The following PC variants were observed in gnomAD, a reference collection of about 807,000 sequenced individuals.
PC encodes the protein pyruvate carboxylase, mitochondrial.
A neutral mutation model predicts 107.8 loss-of-function variants in PC; 46 were observed. That is an observed-to-expected ratio of 0.43 (90% CI 0.34 to 0.55). The LOEUF (loss-of-function observed/expected upper bound fraction) is 0.55. Among genes scored for constraint, PC ranks in the 20% least tolerant of loss-of-function variants. The probability of loss-of-function intolerance (pLI) is 0.04; values close to 1 mark genes in which losing one functional copy is unlikely to be tolerated. For missense variants in PC, 1,241 were observed against 1,643.1 expected, an observed-to-expected ratio of 0.76 and a Z score of 4.23; for synonymous variants, 662 against 684.7, an observed-to-expected ratio of 0.97 and a Z score of 0.52.
intron 3 of PC, among the ~76,000 whole-genome samples, chr11:66,875,606 C>T (rs1031791163): frequency 6.6e-6 from 1 of 151,952 alleles, no homozygotes; most frequent in African/African-American, 2.4e-5. Context: ...GAGGGACGCA[C>T]GGGTCGCTGG....
chr11:66,855,933 G>A (rs1293723504), intron 12 of PC, among the ~76,000 whole-genome samples: 1 of 152,258 alleles, frequency 6.6e-6, no homozygotes, highest in Non-Finnish European at 1.5e-5. Flanking sequence ...CGAGTTTCCT[G>A]CCACCTGGCC....
At chr11:66,849,168 G>T (rs377509358) in intron 22 of PC, 21 bp from the exon 23 acceptor site, 1 of 1,613,752 alleles carries the variant, frequency 6.2e-7, no homozygotes, top group Admixed American at 1.7e-5. Context: ...AGGGCAGAGG[G>T]GACATGACAT....
rs1342125656 is a variant in PC, at chr11:66,870,317, C to T, written c.888G>A (p.Val296=). 6.2e-7 allele frequency: 1 copy of T among 1,613,430 alleles called. No homozygotes were observed. The highest frequency in any genetic ancestry group is 2.2e-5 in the East Asian group (1 of 44,872). The change falls in exon 9 of 23, where the codon GTG becomes GTA. Residue 296 remains valine (V), a synonymous_variant. Coordinates refer to ENST00000393960, the MANE Select transcript of PC (RefSeq NM_001040716.2). This position sits in a 1 kb window ranked among gnomAD's most constrained non-coding sequence, Gnocchi z 6.1. The part of the protein sequence containing the change: ...QLRTRLTSDS[V]KLAKQVGYEN... ...CACCCTTCACCTGTTTAGCGAGTTT[C>T]ACAGAGTCGCTGGTGAGCCGAGTCC...
At position 66,849,443 on chromosome 11, in the gene PC, A is replaced by T. The variant is rs556299918; in HGVS notation, c.3148-73T>A. ...GCAGTCCCCCGGCCCTGGCCATAGG[A>T]AGTCCCCACACTGGGCCTTGGCTCC... On this transcript the variant is annotated intron_variant, in intron 21 of 22. Transcript: ENST00000393960. 5.0e-6 allele frequency: 8 copies of T among 1,607,124 alleles called. No individual in the cohort carries two copies. The African/African-American group carries it at 1.1e-4, about 21-fold the overall frequency.
rs1946026094 is a variant in PC, at chr11:66,858,571, TCTC to T, written c.1369-5191_1369-5189del. 1 of 1,533,014 alleles carries T rather than the reference TCTC, an allele frequency of 6.5e-7. No individual in the cohort carries two copies. Among genetic ancestry groups the T allele is most frequent in the Non-Finnish European group, 8.7e-7 (1 of 1,144,026 alleles). 95.0% of individuals were successfully genotyped at this position (1,533,014 alleles called of 1,614,324 possible). ...TTCTGGGCAGTGCCCGAGGGCGAGTTCTCCTGTGAGCCGCCCCTCATTGCCCGC... is the reference window on the plus strand; with the variant it reads ...TTCTGGGCAGTGCCCGAGGGCGAGTTCTGTGAGCCGCCCCTCATTGCCCGC... On this transcript the variant is annotated intron_variant, in intron 12 of 22. Transcript: ENST00000393960. The surrounding 1 kb of genome is among the most constrained non-coding windows in gnomAD (Gnocchi z 5.9).
At chr11:66,864,758 C>T (rs1265915204) in intron 11 of PC, among the ~76,000 whole-genome samples, 1 of 152,228 alleles carries the variant, frequency 6.6e-6, no homozygotes, top group Non-Finnish European at 1.5e-5. Flanking sequence ...CCGACACTCA[C>T]ACACACAGGT....
chr11:66,866,619 C>G lies in PC; in HGVS notation c.1023-270G>C, dbSNP rs1281443188. Reference sequence around the variant, plus strand: ...ACCAGGACCACCTGCTCCTGCATTCCTGACTCACGGTGCCGTCCACACAGC... The same window carrying G: ...ACCAGGACCACCTGCTCCTGCATTCGTGACTCACGGTGCCGTCCACACAGC... On this transcript the variant is annotated intron_variant, in intron 10 of 22. Coordinates refer to ENST00000393960, the MANE Select transcript of PC (RefSeq NM_001040716.2). This position sits in a 1 kb window ranked among gnomAD's most constrained non-coding sequence, Gnocchi z 5.4. Among the ~76,000 whole-genome samples the G allele has an allele frequency of 6.6e-6, 1 of 152,194 alleles. No homozygotes were observed. The highest frequency in any genetic ancestry group is 2.4e-5 in the African/African-American group (1 of 41,452).
chr11:66,908,756 A>G (rs1322636766), intron 3 of PC, among the ~76,000 whole-genome samples: 1 of 152,166 alleles, frequency 6.6e-6, no homozygotes, highest in Non-Finnish European at 1.5e-5. Context: ...TGAGCCTGCT[A>G]CGGGAACGTA....
At chr11:66,895,003 C>T (rs1947705000) in intron 3 of PC, among the ~76,000 whole-genome samples, 2 of 137,968 alleles carry the variant, frequency 1.4e-5, no homozygotes. Context: ...GCCTGGGTGA[C>T]AAGAGTTAAA....
In PC at chr11:66,947,903, C is replaced by T. The variant is rs188779558; in HGVS notation, c.-1+4527G>A. The stretch of plus-strand genomic sequence containing the variant: ...GCTTGAACCCGGGAGGCAGAGGTTG[C>T]AGTGAGCCGAGATCATGCCACTGCA... On this transcript the variant is annotated intron_variant, in intron 3 of 22. Coordinates refer to ENST00000393960, the MANE Select transcript of PC (RefSeq NM_001040716.2). Among the ~76,000 whole-genome samples the T allele has an allele frequency of 2.0e-5, 3 of 148,622 alleles. No individual in the cohort carries two copies. In the East Asian group the frequency reaches 5.9e-4, roughly 29 times the overall value.
At chr11:66,953,850 CCT>C (rs1242970916) in intron 2 of PC, among the ~76,000 whole-genome samples, 3 of 152,164 alleles carry the variant, frequency 2.0e-5, no homozygotes, top group Non-Finnish European at 4.4e-5. Context: ...CGTTATTTCA[CCT>C]CTCTGAGTTT....
chr11:66,850,058 A>C lies in PC; in HGVS notation c.2777T>G (p.Leu926Trp). ...CTGAGCTTCGGCCTCTGCCCGGCTC[A>C]ATCCATTCTGCACCATAAACTGGGC... is the stretch of plus-strand genomic sequence containing the variant. ...DLAQFMVQNGLSRAEAEAQAE... is the reference protein window; with the variant it reads ...DLAQFMVQNGWSRAEAEAQAE... The change falls in exon 20 of 23, where the codon TTG (leucine) becomes TGG (tryptophan). Residue 926 changes from leucine to tryptophan, a missense_variant. Physicochemically the swap from Leu to Trp is moderately conservative, Grantham distance 61 (BLOSUM62 -2). Transcript: ENST00000393960. 6.2e-7 allele frequency: 1 copy of C among 1,613,702 alleles called. No individual in the cohort carries two copies. The highest frequency in any genetic ancestry group is 8.5e-7 in the Non-Finnish European group (1 of 1,180,042).
At chr11:66,849,516 C>A in intron 21 of PC, 95 bp downstream of exon 21, 1 of 1,609,916 alleles carries the variant, frequency 6.2e-7, no homozygotes, top group South Asian at 1.1e-5. Flanking sequence ...TTTCTGCTCC[C>A]AAAGCTTGCG....
chr11:66,853,349 T>C lies in PC; in HGVS notation c.1403A>G (p.Asn468Ser), dbSNP rs776000639. 1.9e-6 allele frequency: 3 copies of C among 1,614,060 alleles called. No individual in the cohort carries two copies. The highest frequency in any genetic ancestry group is 1.3e-5 in the African/African-American group (1 of 75,014). ...NIAFLQNVLN[N>S]QQFLAGTVDT... is the part of the protein sequence containing the mutation. ...CACAGTGCCTGCCAGGAACTGCTGGTTGTTGAGCACATTCTGCAGGAAGGC... is the reference window on the plus strand; with the variant it reads ...CACAGTGCCTGCCAGGAACTGCTGGCTGTTGAGCACATTCTGCAGGAAGGC... The change falls in exon 13 of 23, where the codon AAC (asparagine) becomes AGC (serine). Residue 468 changes from asparagine (N) to serine (S), a missense_variant. Transcript: ENST00000393960.
Position 66,877,189 on chromosome 11 carries a change from C to T in PC, c.1-5030G>A, listed in dbSNP as rs1320505839. ...TCATTTGAGGTCACGAATTCAAAAC[C>T]ACCCTGGCCAACATGGTGAATCCCC... On this transcript the variant is annotated intron_variant, in intron 3 of 22. Coordinates refer to ENST00000393960, the MANE Select transcript of PC (RefSeq NM_001040716.2). Among the ~76,000 whole-genome samples, 3 of 152,094 alleles carry T rather than the reference C, an allele frequency of 2.0e-5. No homozygotes were observed. In the East Asian group the frequency reaches 5.8e-4, roughly 29 times the overall value.
At chr11:66,882,573 C>T (rs752120914) in intron 3 of PC, among the ~76,000 whole-genome samples, 11 of 152,134 alleles carry the variant, frequency 7.2e-5, no homozygotes, top group Non-Finnish European at 1.2e-4. Flanking sequence ...CAGGAACCTC[C>T]GAACCAACAA....
chr11:66,858,958 C>A lies in PC; in HGVS notation c.1368+4816G>T. On this transcript the variant is annotated intron_variant, in intron 12 of 22. Transcript: ENST00000393960. The surrounding 1 kb of genome is among the most constrained non-coding windows in gnomAD (Gnocchi z 5.9). ...GCCGAGGGTGAGGGGACGCTGGAGT[C>A]TGAGCCAGCCGTGCAGGTGACGGAG... is the stretch of plus-strand genomic sequence containing the variant. 6.3e-7 allele frequency: 1 copy of A among 1,576,922 alleles called. No homozygotes were observed. Among genetic ancestry groups the A allele is most frequent in the South Asian group, 1.1e-5 (1 of 86,970 alleles).
At chr11:66,892,404 G>A (rs1022579545) in intron 3 of PC, among the ~76,000 whole-genome samples, 5 of 152,148 alleles carry the variant, frequency 3.3e-5, no homozygotes, top group South Asian at 2.1e-4. Flanking sequence ...GTTCCAGAAC[G>A]CACAACCAAA....
chr11:66,908,289 C>A (rs564099347), intron 3 of PC, among the ~76,000 whole-genome samples: 2 of 152,248 alleles, frequency 1.3e-5, no homozygotes, highest in South Asian at 2.1e-4. Flanking sequence ...CCTGCCGAGA[C>A]CTCACTATGC....
Sources: allele counts gnomAD v4.1 joint callset (sites outside exome capture counted in the v4.1 genomes callset), GRCh38; gene constraint gnomAD v4.1.1; non-coding constraint Gnocchi (gnomAD v3.1); transcripts MANE v1.5; gene names NCBI Gene and HGNC (gene_info 2026-07-23, HGNC 2026-07-21).